The following PRDM6 variants were observed in gnomAD, a reference collection of about 807,000 sequenced individuals.
PRDM6 encodes the protein PR/SET domain 6, also known as putative histone-lysine N-methyltransferase PRDM6.
Under a neutral mutation model 60.8 loss-of-function variants are expected in PRDM6, and 25 were observed. The ratio of observed to expected loss-of-function variants is 0.41; its 90% CI spans 0.30 to 0.57. The LOEUF is 0.57. Among genes scored for constraint, PRDM6 ranks in the 20% least tolerant of loss-of-function variants. The pLI is 0.27. For synonymous variants in PRDM6, 407 were observed against 357.4 expected, an observed-to-expected ratio of 1.14 and a Z score of -1.57; for missense variants, 839 against 821.3, an observed-to-expected ratio of 1.02 and a Z score of -0.26.
rs959920574 is a variant in PRDM6, at chr5:123,099,008, C to T, written c.593-646C>T. Among the ~76,000 whole-genome samples, 7 of 151,168 alleles carry T rather than the reference C, an allele frequency of 4.6e-5. No individual in the cohort carries two copies. Among genetic ancestry groups the T allele is most frequent in the African/African-American group, 1.7e-4 (7 of 40,980 alleles). On this transcript the variant is annotated intron_variant, in intron 2 of 7. Coordinates refer to ENST00000407847, the MANE Select transcript of PRDM6 (RefSeq NM_001136239.4). The surrounding 1 kb of genome is among the most constrained non-coding windows in gnomAD (Gnocchi z 4.0). ...TTTGGGAGGCAGTCGAGGAAGCCTCCGAGTCTCTGGGTCGAAGGAAGTGCG... is the reference window on the plus strand; with the variant it reads ...TTTGGGAGGCAGTCGAGGAAGCCTCTGAGTCTCTGGGTCGAAGGAAGTGCG...
At chr5:123,144,053 G>A (rs1209041287) in intron 3 of PRDM6, among the ~76,000 whole-genome samples, 1 of 152,250 alleles carries the variant, frequency 6.6e-6, no homozygotes, top group Admixed American at 6.5e-5. Context: ...TAAATTTGAG[G>A]CTCTTTATGA....
intron 3 of PRDM6, among the ~76,000 whole-genome samples, chr5:123,152,618 C>T (rs1765394635): frequency 6.6e-6 from 1 of 152,180 alleles, no homozygotes; most frequent in Non-Finnish European, 1.5e-5. Flanking sequence ...CACTGGCTTA[C>T]ACCATTTCTA....
At chr5:123,133,829 C>CAAAAAA (rs35835120) in intron 3 of PRDM6, among the ~76,000 whole-genome samples, 1 of 136,066 alleles carries the variant, frequency 7.3e-6, no homozygotes, top group Non-Finnish European at 1.6e-5. Flanking sequence ...GTTTATCAAT[C>CAAAAAA]AAAAAAAAAA....
chr5:123,152,571 T>C (rs1208777393), intron 3 of PRDM6, among the ~76,000 whole-genome samples: 1 of 152,214 alleles, frequency 6.6e-6, no homozygotes, highest in Non-Finnish European at 1.5e-5. Context: ...ATTTGGAAGA[T>C]GGTATTATGC....
At chr5:123,172,994 A>G (rs1369682224) in intron 6 of PRDM6, among the ~76,000 whole-genome samples, 1 of 152,186 alleles carries the variant, frequency 6.6e-6, no homozygotes, top group Non-Finnish European at 1.5e-5. Context: ...GATCCAGACC[A>G]TCCTGGCTAA....
At chr5:123,145,112 C>T (rs1765210564) in intron 3 of PRDM6, among the ~76,000 whole-genome samples, 1 of 152,188 alleles carries the variant, frequency 6.6e-6, no homozygotes, top group Non-Finnish European at 1.5e-5. Context: ...TTTAATGCTG[C>T]CTTTTAAATC....
chr5:123,090,446 C>T lies in PRDM6; in HGVS notation c.432C>T (p.Gly144=), dbSNP rs935290129. 5.5e-6 allele frequency: 8 copies of T among 1,462,246 alleles called. No homozygotes were observed. In the African/African-American group the frequency reaches 7.4e-5, roughly 14 times the overall value. 90.6% of individuals were successfully genotyped at this position (1,462,246 alleles called of 1,614,324 possible). A position where few individuals can be genotyped will look rare whatever the true frequency, so the allele number is the denominator to read the frequency against. Residue 144 remains glycine, a synonymous_variant, in exon 2 of 8, where the codon GGC becomes GGT. Coordinates refer to ENST00000407847, the MANE Select transcript of PRDM6 (RefSeq NM_001136239.4). ...PKELCLGATS[G]PGPVKCGGGG... is the part of the protein sequence containing the mutation. Reference sequence around the variant, plus strand: ...AACTGTGCCTCGGCGCCACCTCCGGCCCCGGGCCCGTCAAGTGCGGTGGTG... The same window carrying T: ...AACTGTGCCTCGGCGCCACCTCCGGTCCCGGGCCCGTCAAGTGCGGTGGTG...
At chr5:123,141,315 T>C (rs1263596531) in intron 3 of PRDM6, among the ~76,000 whole-genome samples, 1 of 152,106 alleles carries the variant, frequency 6.6e-6, no homozygotes, top group Admixed American at 6.5e-5. Flanking sequence ...TGAATTAACA[T>C]ATTAAACATT....
Position 123,190,392 on chromosome 5 carries a change from T to C in PRDM6, c.*3191T>C, listed in dbSNP as rs1186851099. ...CCAGGATATGTGCATACATTTTTCA[T>C]AGATAAGCTTTTCATTTTTGTTTTG... On this transcript the variant is annotated 3_prime_UTR_variant, in exon 8 of 8. Transcript: ENST00000407847. 6.6e-6 allele frequency: 1 copy of C among 152,212 alleles called. No homozygotes were observed. The highest frequency in any genetic ancestry group is 1.5e-5 in the Non-Finnish European group (1 of 68,022). The allele number at this position is 152,212 out of a possible 1,614,324, so 9.4% of individuals were successfully genotyped here. A position where few individuals can be genotyped will look rare whatever the true frequency, so the allele number is the denominator to read the frequency against.
intron 3 of PRDM6, among the ~76,000 whole-genome samples, chr5:123,140,135 C>T (rs10041191): frequency 0.18 from 27,769 of 151,550 alleles, 3,130 homozygotes; most frequent in East Asian, 0.59. Flanking sequence ...TCATAATTAC[C>T]GCGGCTTATG....
intron 3 of PRDM6, among the ~76,000 whole-genome samples, chr5:123,114,147 TA>T (rs2150214469): frequency 6.6e-6 from 1 of 152,334 alleles, no homozygotes; most frequent in African/African-American, 2.4e-5. Flanking sequence ...CATAGATGGC[TA>T]ATTCATGGAG....
chr5:123,186,470 C>T (rs958569866), intron 7 of PRDM6, among the ~76,000 whole-genome samples: 1 of 152,194 alleles, frequency 6.6e-6, no homozygotes, highest in Admixed American at 6.5e-5. Context: ...TAGGTACATC[C>T]TTTCCACTGT....
chr5:123,114,183 C>T (rs1210627693), intron 3 of PRDM6, among the ~76,000 whole-genome samples: 1 of 152,142 alleles, frequency 6.6e-6, no homozygotes. Flanking sequence ...GAAAGATGCC[C>T]CTGGGAGAGG....
At chr5:123,163,114 A>G (rs1765674097) in intron 5 of PRDM6, among the ~76,000 whole-genome samples, 1 of 152,162 alleles carries the variant, frequency 6.6e-6, no homozygotes, top group African/African-American at 2.4e-5. Flanking sequence ...ACCTCCACAG[A>G]GCCTCTTTAT....
chr5:123,135,284 G>A (rs903471316), intron 3 of PRDM6, among the ~76,000 whole-genome samples: 12 of 152,192 alleles, frequency 7.9e-5, no homozygotes, highest in African/African-American at 2.7e-4. Flanking sequence ...TCTATCAGAT[G>A]AAGGTTTAGA....
intron 6 of PRDM6, among the ~76,000 whole-genome samples, chr5:123,176,575 G>A (rs1025005915): frequency 6.6e-6 from 1 of 152,094 alleles, no homozygotes; most frequent in Non-Finnish European, 1.5e-5. Context: ...GCTGGGCATG[G>A]TGGCACGTGC....
chr5:123,094,920 T>A (rs978268841), intron 2 of PRDM6, among the ~76,000 whole-genome samples: 3 of 152,230 alleles, frequency 2.0e-5, no homozygotes, highest in Admixed American at 1.3e-4. Flanking sequence ...CTTCTTGCTC[T>A]CTTCTTTTTG....
intron 3 of PRDM6, among the ~76,000 whole-genome samples, chr5:123,127,456 T>C (rs1764718951): frequency 6.6e-6 from 1 of 152,226 alleles, no homozygotes; most frequent in Non-Finnish European, 1.5e-5. Context: ...TCTGGAACTG[T>C]AAATTCAGTC....
intron 3 of PRDM6, among the ~76,000 whole-genome samples, chr5:123,130,627 C>A (rs1350138659): frequency 6.6e-6 from 1 of 150,912 alleles, no homozygotes; most frequent in Non-Finnish European, 1.5e-5. Flanking sequence ...TGCAATGGTG[C>A]AATCTTGGCT....
Sources: gnomAD v4.1 joint callset for allele counts (sites outside exome capture counted in the v4.1 genomes callset) on GRCh38, gnomAD v4.1.1 for gene constraint, Gnocchi (gnomAD v3.1) non-coding constraint, MANE v1.5 for transcripts, NCBI Gene and HGNC (gene_info 2026-07-23, HGNC 2026-07-21) for gene names.